Variants in GALNT14 observed in about 807,000 individuals in gnomAD.
GALNT14 encodes the protein UDP-GalNAc:polypeptide N-acetylgalactosaminyltransferase 14.
Under a neutral mutation model 77.5 loss-of-function variants are expected in GALNT14, and 60 were observed. The ratio of observed to expected loss-of-function variants is 0.77; its 90% CI spans 0.63 to 0.96. GALNT14 has a LOEUF of 0.96. Among genes scored for constraint, GALNT14 ranks in the 40% least tolerant of loss-of-function variants. GALNT14 has a pLI of 0.00. For synonymous variants in GALNT14, 280 were observed against 281.7 expected (o/e 0.99, Z 0.06); for missense variants, 710 against 731.0 (o/e 0.97, Z 0.33).
intron 10 of GALNT14, 60 bp downstream of exon 10, chr2:30,932,008 G>T: frequency 7.0e-7 from 1 of 1,429,878 alleles, no homozygotes; most frequent in Non-Finnish European, 9.2e-7. Flanking sequence ...CTTACCAGCA[G>T]CCGCCCAGCC....
chr2:30,912,222 C>T lies in GALNT14; in HGVS notation c.1500+1G>A, dbSNP rs1330700379. On this transcript the variant is annotated splice_donor_variant, in intron 14 of 14. Coordinates refer to ENST00000349752, the MANE Select transcript of GALNT14 (RefSeq NM_024572.4). LOFTEE classifies it high-confidence loss of function. ...ATCCCAGGGACCTGCTGAGCACTTA[C>T]CTGTCGGTCATCTCCATTCTTGCAA... 6.2e-7 allele frequency: 1 copy of T among 1,613,980 alleles called. No individual in the cohort carries two copies. The highest frequency in any genetic ancestry group is 2.2e-5 in the East Asian group (1 of 44,886).
chr2:31,043,026 A>C (rs1673196219), intron 1 of GALNT14, among the ~76,000 whole-genome samples: 1 of 151,260 alleles, frequency 6.6e-6, no homozygotes, highest in Non-Finnish European at 1.5e-5. Flanking sequence ...GTCTCACCTC[A>C]CCTCCTACTT....
intron 4 of GALNT14, 30 bp downstream of exon 4, chr2:30,958,367 T>A: frequency 6.3e-7 from 1 of 1,597,496 alleles, no homozygotes; most frequent in Non-Finnish European, 8.6e-7. Context: ...GACATTCGTG[T>A]CTAAAGAGCA....
At chr2:31,028,711 C>T (rs745997542) in intron 1 of GALNT14, among the ~76,000 whole-genome samples, 12 of 152,318 alleles carry the variant, frequency 7.9e-5, no homozygotes, top group Admixed American at 1.3e-4. Flanking sequence ...AATGAATGGC[C>T]GGGGCCAGCC....
At chr2:30,956,233 C>A (rs775008046) in intron 4 of GALNT14, among the ~76,000 whole-genome samples, 1 of 152,222 alleles carries the variant, frequency 6.6e-6, no homozygotes, top group Non-Finnish European at 1.5e-5. Flanking sequence ...TACACAATGG[C>A]ACCTGTATAC....
At chr2:31,043,691 TTA>T (rs1673244665) in intron 1 of GALNT14, among the ~76,000 whole-genome samples, 1 of 152,140 alleles carries the variant, frequency 6.6e-6, no homozygotes, top group Admixed American at 6.5e-5. Context: ...CATAAATTAT[TTA>T]ATTCATTCAA....
the GALNT14 span, among the ~76,000 whole-genome samples, chr2:30,899,906 C>T: frequency 5.4e-4 from 83 of 152,302 alleles, no homozygotes; most frequent in African/African-American, 1.9e-3. Context: ...TCGCAGAGGT[C>T]ACGTCTGCAC....
At chr2:31,000,622 T>C (rs1670312080) in intron 1 of GALNT14, among the ~76,000 whole-genome samples, 1 of 152,218 alleles carries the variant, frequency 6.6e-6, no homozygotes, top group Non-Finnish European at 1.5e-5. Context: ...TAAGGTGGTC[T>C]GCTGGCAGAA....
chr2:30,945,027 C>T (rs965938963), intron 7 of GALNT14, 85 bp from the exon 8 acceptor site: 2 of 1,227,110 alleles, frequency 1.6e-6, no homozygotes, highest in African/African-American at 1.5e-5. Flanking sequence ...CATGAATGTA[C>T]CCAGGTCCTG....
chr2:30,890,133 A>G, the GALNT14 span, among the ~76,000 whole-genome samples: 1 of 152,180 alleles, frequency 6.6e-6, no homozygotes, highest in African/African-American at 2.4e-5. Context: ...CCACCACAGT[A>G]ATGGCCACCA....
chr2:30,922,346 T>C (rs996611142), intron 13 of GALNT14, among the ~76,000 whole-genome samples: 3 of 152,138 alleles, frequency 2.0e-5, no homozygotes, highest in African/African-American at 7.2e-5. Context: ...AAATCTGCAA[T>C]TCCCAACCCT....
intron 1 of GALNT14, among the ~76,000 whole-genome samples, chr2:31,022,172 G>T (rs1421525254): frequency 1.3e-5 from 2 of 152,188 alleles, no homozygotes; most frequent in Non-Finnish European, 2.9e-5. Flanking sequence ...GGGAAGTGGG[G>T]GTCAGAAAGG....
chr2:30,937,566 T>C (rs559447366), intron 9 of GALNT14, among the ~76,000 whole-genome samples: 53 of 152,332 alleles, frequency 3.5e-4, no homozygotes, highest in African/African-American at 1.1e-3. Flanking sequence ...GCTACTTCCA[T>C]GTCGCCCCCT....
intron 2 of GALNT14, among the ~76,000 whole-genome samples, chr2:30,967,524 G>A (rs1668083390): frequency 6.6e-6 from 1 of 152,178 alleles, no homozygotes; most frequent in African/African-American, 2.4e-5. Context: ...GGGTCATCCA[G>A]GAGGAGCCAA....
chr2:30,978,475 G>A (rs1002531202), intron 2 of GALNT14, among the ~76,000 whole-genome samples: 13 of 152,308 alleles, frequency 8.5e-5, no homozygotes, highest in African/African-American at 2.2e-4. Flanking sequence ...AGGCTGAACC[G>A]AGAGAACATA....
chr2:30,910,771 G>A lies in GALNT14; in HGVS notation c.*130C>T. ...CCCTGAGACAGTTGCTCCTGTCCTG[G>A]GGGGCTCTGCCTCCACCTCCCAGTC... is the stretch of plus-strand genomic sequence containing the variant. On this transcript the variant is annotated 3_prime_UTR_variant, in exon 15 of 15. Transcript: ENST00000349752. The A allele has an allele frequency of 2.1e-6, 2 of 936,812 alleles. No individual in the cohort carries two copies. Among genetic ancestry groups the A allele is most frequent in the South Asian group, 1.7e-5 (1 of 60,090 alleles). 58.0% of individuals were successfully genotyped at this position (936,812 alleles called of 1,614,324 possible).
intron 13 of GALNT14, among the ~76,000 whole-genome samples, chr2:30,919,556 G>A (rs1664909680): frequency 1.3e-5 from 2 of 152,212 alleles, no homozygotes; most frequent in Non-Finnish European, 2.9e-5. Flanking sequence ...GGACCCTAGA[G>A]TCTCCAGGGC....
chr2:31,095,754 A>C (rs1676969294), intron 1 of GALNT14, among the ~76,000 whole-genome samples: 1 of 152,214 alleles, frequency 6.6e-6, no homozygotes, highest in African/African-American at 2.4e-5. Context: ...TTCTCGTAGT[A>C]GCTGTAAGAC....
At position 31,038,084 on chromosome 2, in the gene GALNT14, ATTTTTT is replaced by A. The variant is rs1196402402; in HGVS notation, c.130-45083_130-45078del. ...ATTTGCCATATATATATATATATAT[ATTTTTT>A]TTTTTTTTTTTTTTTTTTTTTTTAG... is the stretch of plus-strand genomic sequence containing the variant. On this transcript the variant is annotated intron_variant, in intron 1 of 14. Coordinates refer to ENST00000349752, the MANE Select transcript of GALNT14 (RefSeq NM_024572.4). Among the ~76,000 whole-genome samples, 40 of 52,630 alleles carry A rather than the reference ATTTTTT, an allele frequency of 7.6e-4. 1 individual carries two copies. The highest frequency in any genetic ancestry group is 1.5e-3 in the African/African-American group (16 of 10,864). 34.5% of individuals were successfully genotyped at this position (52,630 alleles called of 152,430 possible). A position where few individuals can be genotyped will look rare whatever the true frequency, so the allele number is the denominator to read the frequency against.
Sources: gnomAD v4.1 joint callset for allele counts (sites outside exome capture counted in the v4.1 genomes callset) on GRCh38, gnomAD v4.1.1 for gene constraint, MANE v1.5 for transcripts, NCBI Gene and HGNC (gene_info 2026-07-23, HGNC 2026-07-21) for gene names.